Variants in SUGCT observed in about 807,000 individuals in gnomAD.
The protein encoded by SUGCT is succinyl-CoA:glutarate-CoA transferase.
Under a neutral mutation model 55.0 loss-of-function variants are expected in SUGCT, and 41 were observed. That is an observed-to-expected ratio of 0.74 (90% CI 0.58 to 0.97). The LOEUF (loss-of-function observed/expected upper bound fraction) is 0.97. SUGCT is among the 50% of genes least tolerant of loss of function. SUGCT has a pLI of 0.00. For synonymous variants in SUGCT, 187 were observed against 200.4 expected, an observed-to-expected ratio of 0.93 and a Z score of 0.56; for missense variants, 568 against 547.8, an observed-to-expected ratio of 1.04 and a Z score of -0.37.
chr7:40,782,553 T>C (rs1021293320), intron 13 of SUGCT: 1 of 152,200 alleles, frequency 6.6e-6, no homozygotes, highest in Admixed American at 6.6e-5. Context: ...AGTGTTCTTC[T>C]AGCCACCACA....
the SUGCT span, among the ~76,000 whole-genome samples, chr7:40,874,662 T>C: frequency 9.2e-5 from 14 of 152,296 alleles, no homozygotes; most frequent in African/African-American, 2.9e-4. Flanking sequence ...ACATATTCTC[T>C]AGGGCCAAGA....
chr7:40,382,170 A>G (rs1206666778), intron 9 of SUGCT, among the ~76,000 whole-genome samples: 1 of 152,142 alleles, frequency 6.6e-6, no homozygotes, highest in Non-Finnish European at 1.5e-5. Flanking sequence ...GTCCCTGTGT[A>G]GCCTCTTTTA....
intron 9 of SUGCT, among the ~76,000 whole-genome samples, chr7:40,329,803 A>T (rs1016143151): frequency 6.6e-6 from 1 of 152,202 alleles, no homozygotes; most frequent in African/African-American, 2.4e-5. Flanking sequence ...GGGATTTGCA[A>T]GAATCCCTGA....
At position 40,830,769 on chromosome 7, in the gene SUGCT, A is replaced by G. The variant is rs146686762; in HGVS notation, c.1154-29547A>G. On this transcript the variant is annotated intron_variant, in intron 13 of 13. Transcript: ENST00000335693. ...ATATGTTGATTCATTGCTACCAGCA[A>G]AAGTCCTCAGAGGACAGCACAGAAG... 1.1e-4 allele frequency among the ~76,000 whole-genome samples: 16 copies of G among 152,340 alleles called. No homozygotes were observed. In the East Asian group the frequency reaches 2.1e-3, roughly 20 times the overall value.
chr7:40,214,372 A>G (rs1467676743), intron 6 of SUGCT, among the ~76,000 whole-genome samples: 1 of 152,198 alleles, frequency 6.6e-6, no homozygotes, highest in Admixed American at 6.5e-5. Context: ...ATTACCTGAC[A>G]TAATATTTAT....
chr7:40,169,500 C>T (rs988811475), intron 1 of SUGCT, among the ~76,000 whole-genome samples: 2 of 152,202 alleles, frequency 1.3e-5, no homozygotes. Flanking sequence ...GCTGCTGGAT[C>T]ATCTGGTTAG....
chr7:40,773,112 T>A (rs976607765), intron 13 of SUGCT, among the ~76,000 whole-genome samples: 2 of 152,092 alleles, frequency 1.3e-5, no homozygotes, highest in Non-Finnish European at 2.9e-5. Context: ...GACCTTTTTA[T>A]TAATAATTTT....
At chr7:40,324,261 A>ATATATTTATTTATTTATT (rs377215730) in intron 9 of SUGCT, among the ~76,000 whole-genome samples, 3 of 99,980 alleles carry the variant, frequency 3.0e-5, no homozygotes, top group Non-Finnish European at 5.9e-5. Context: ...AAATATATAT[A>ATATATTTATTTATTTATT]TATTTATTTT....
At chr7:40,543,608 A>C (rs1794822790) in intron 12 of SUGCT, among the ~76,000 whole-genome samples, 1 of 152,208 alleles carries the variant, frequency 6.6e-6, no homozygotes, top group Non-Finnish European at 1.5e-5. Context: ...TATCTGGTGG[A>C]CTGGACCATT....
chr7:40,497,781 C>G (rs1792065022), intron 12 of SUGCT, among the ~76,000 whole-genome samples: 1 of 152,056 alleles, frequency 6.6e-6, no homozygotes, highest in African/African-American at 2.4e-5. Flanking sequence ...AAGAGTTTTT[C>G]CATCAGCATT....
chr7:40,961,861 C>G, the SUGCT span, among the ~76,000 whole-genome samples: 30 of 152,284 alleles, frequency 2.0e-4, no homozygotes, highest in African/African-American at 7.0e-4. Flanking sequence ...TTCATGGTCT[C>G]CCTGGCCTCA....
intron 6 of SUGCT, among the ~76,000 whole-genome samples, chr7:40,204,737 G>A (rs1429306464): frequency 2.6e-5 from 4 of 151,268 alleles, no homozygotes; most frequent in Admixed American, 6.6e-5. Context: ...ACCAGCCGGC[G>A]TGACATAGTG....
At chr7:40,995,498 G>A in the SUGCT span, among the ~76,000 whole-genome samples, 4 of 151,926 alleles carry the variant, frequency 2.6e-5, no homozygotes, top group East Asian at 1.9e-4. Flanking sequence ...AGCATGGCCC[G>A]AAAATGATAG....
At chr7:40,974,769 T>A in the SUGCT span, among the ~76,000 whole-genome samples, 7 of 152,210 alleles carry the variant, frequency 4.6e-5, no homozygotes, top group Non-Finnish European at 7.3e-5. Flanking sequence ...TGAAATCTCT[T>A]CTTGGGAAAG....
chr7:40,845,316 G>C (rs1490128748), intron 13 of SUGCT, among the ~76,000 whole-genome samples: 2 of 152,288 alleles, frequency 1.3e-5, no homozygotes, highest in Non-Finnish European at 2.9e-5. Flanking sequence ...CCTAAACAGA[G>C]CTTTGAGAAT....
chr7:40,162,539 C>A (rs1784227401), intron 1 of SUGCT, among the ~76,000 whole-genome samples: 1 of 152,150 alleles, frequency 6.6e-6, no homozygotes, highest in Admixed American at 6.5e-5. Flanking sequence ...TGCAGTGATG[C>A]CATCATAGCT....
intron 12 of SUGCT, among the ~76,000 whole-genome samples, chr7:40,695,619 C>T (rs1460053284): frequency 6.6e-6 from 1 of 152,122 alleles, no homozygotes; most frequent in Non-Finnish European, 1.5e-5. Context: ...ATGATCATAA[C>T]TACAATAGCA....
chr7:40,181,176 A>G (rs1217963251), intron 2 of SUGCT, among the ~76,000 whole-genome samples, 178 bp downstream of exon 2: 1 of 152,178 alleles, frequency 6.6e-6, no homozygotes, highest in Non-Finnish European at 1.5e-5. Flanking sequence ...TGTAGTATTT[A>G]TGCCTTTTCC....
intron 1 of SUGCT, among the ~76,000 whole-genome samples, chr7:40,143,682 T>C (rs1377704611): frequency 1.3e-5 from 2 of 152,266 alleles, no homozygotes; most frequent in Non-Finnish European, 1.5e-5. Flanking sequence ...TTAACTTGTA[T>C]GATAGCTATC....
Sources: gnomAD v4.1 joint callset for allele counts (sites outside exome capture counted in the v4.1 genomes callset) on GRCh38, gnomAD v4.1.1 for gene constraint, MANE v1.5 for transcripts, NCBI Gene and HGNC (gene_info 2026-07-23, HGNC 2026-07-21) for gene names.